MAP3K20: variants seen among roughly 807,000 people sequenced by gnomAD.
The protein encoded by MAP3K20 is HCCS-4.
MAP3K20 carries 40 observed loss-of-function variants against 85.7 expected under a neutral mutation model. The observed-to-expected ratio is 0.47, with a 90% CI of 0.36 to 0.61. The LOEUF (loss-of-function observed/expected upper bound fraction) is 0.61. Ranked by LOEUF, MAP3K20 falls within the 20% of genes least tolerant of loss-of-function variation. The pLI, the probability that MAP3K20 is intolerant of heterozygous loss-of-function variation, is 0.00. For synonymous variants in MAP3K20, 325 were observed against 327.7 expected, an observed-to-expected ratio of 0.99 and a Z score of 0.09; for missense variants, 817 against 961.7, an observed-to-expected ratio of 0.85 and a Z score of 1.99.
At chr2:173,236,183 G>A (rs776859536) in intron 14 of MAP3K20, among the ~76,000 whole-genome samples, 6 of 149,526 alleles carry the variant, frequency 4.0e-5, no homozygotes, top group South Asian at 4.2e-4. Flanking sequence ...TGGGAGGATC[G>A]CTTGAGCCCA....
At chr2:173,086,725 C>T (rs1687155484) in intron 1 of MAP3K20, among the ~76,000 whole-genome samples, 1 of 152,206 alleles carries the variant, frequency 6.6e-6, no homozygotes, top group Admixed American at 6.5e-5. Flanking sequence ...AGGTCAGTGT[C>T]AGTTGTGACT....
intron 2 of MAP3K20, among the ~76,000 whole-genome samples, chr2:173,122,953 TAC>T (rs917789866): frequency 2.2e-4 from 34 of 152,338 alleles, no homozygotes; most frequent in African/African-American, 7.7e-4. Context: ...GGAAAATAAC[TAC>T]AGAGTTTTTC....
At chr2:173,228,810 ACT>A (rs927892867) in intron 11 of MAP3K20, among the ~76,000 whole-genome samples, 4 of 31,546 alleles carry the variant, frequency 1.3e-4, no homozygotes, top group Admixed American at 9.9e-4. Context: ...AAGCAACCAA[ACT>A]CAACTTTTTT....
At chr2:173,187,839 G>T (rs1690534616) in intron 5 of MAP3K20, among the ~76,000 whole-genome samples, 1 of 152,184 alleles carries the variant, frequency 6.6e-6, no homozygotes, top group Non-Finnish European at 1.5e-5. Context: ...AGCCCAGAAT[G>T]TGGACATTTG....
At chr2:173,220,311 C>T (rs1445067698) in intron 11 of MAP3K20, among the ~76,000 whole-genome samples, 3 of 152,102 alleles carry the variant, frequency 2.0e-5, no homozygotes, top group African/African-American at 7.2e-5. Context: ...AAAATAATTA[C>T]GTAAAGTAGA....
chr2:173,169,237 C>T (rs1237654207), intron 2 of MAP3K20, among the ~76,000 whole-genome samples: 4 of 152,100 alleles, frequency 2.6e-5, no homozygotes, highest in African/African-American at 9.7e-5. Context: ...TGGGGTATCT[C>T]TTCAGTCATT....
intron 10 of MAP3K20, chr2:173,212,288 A>C (rs1683926683): frequency 6.6e-6 from 1 of 152,038 alleles, no homozygotes; most frequent in South Asian, 2.1e-4. Flanking sequence ...CTCCAGCCCG[A>C]GTGTCCAATG....
Position 173,134,744 on chromosome 2 carries a change from G to T in MAP3K20, c.160-35061G>T, listed in dbSNP as rs572126131. 5.2e-4 allele frequency among the ~76,000 whole-genome samples: 79 copies of T among 151,892 alleles called. 2 individuals carry two copies. Among genetic ancestry groups the T allele is most frequent in the African/African-American group, 1.8e-3 (73 of 41,406 alleles). On this transcript the variant is annotated intron_variant, in intron 2 of 19. Coordinates refer to ENST00000375213, the MANE Select transcript of MAP3K20 (RefSeq NM_016653.3). ...CTCTTTTTACTTTTATTTTATTTAG[G>T]CTACAGAGCCCTTTCCATCCTTATT...
chr2:173,115,987 C>G (rs1198255627), intron 2 of MAP3K20, among the ~76,000 whole-genome samples: 1 of 150,002 alleles, frequency 6.7e-6, no homozygotes, highest in Non-Finnish European at 1.5e-5. Flanking sequence ...CATGTCTTAC[C>G]AGGGCAGAGC....
chr2:173,122,152 C>G (rs1688313848), intron 2 of MAP3K20, among the ~76,000 whole-genome samples: 1 of 152,220 alleles, frequency 6.6e-6, no homozygotes. Flanking sequence ...AATGTAAACT[C>G]TTATTTCTGG....
intron 2 of MAP3K20, among the ~76,000 whole-genome samples, chr2:173,100,278 C>T (rs906799330): frequency 6.6e-6 from 1 of 152,172 alleles, no homozygotes; most frequent in African/African-American, 2.4e-5. Flanking sequence ...GGCTTTACAC[C>T]ATTGCCCTCT....
chr2:173,233,092 A>G (rs1343201827), intron 14 of MAP3K20, among the ~76,000 whole-genome samples: 1 of 152,218 alleles, frequency 6.6e-6, no homozygotes, highest in Non-Finnish European at 1.5e-5. Context: ...GATAATGGTA[A>G]ATGACGGCTG....
At position 173,266,124 on chromosome 2, in the gene MAP3K20, A is replaced by G; in HGVS notation, c.1777A>G (p.Ser593Gly). The change falls in exon 20 of 20, where the codon AGC (serine) becomes GGC (glycine). Residue 593 changes from serine (S) to glycine (G), a missense_variant. Physicochemically the swap from Ser to Gly is moderately conservative, Grantham distance 56. Transcript: ENST00000375213. Reference protein sequence around the residue: ...ASNTSLQRSQSNPILGSPFFS... With the variant: ...ASNTSLQRSQGNPILGSPFFS... ...CAACACTTCTTTACAGCGTTCCCAG[A>G]GCAATCCTATTCTGGGGTCACCGTT... 1.2e-6 allele frequency: 2 copies of G among 1,612,820 alleles called. No homozygotes were observed. Among genetic ancestry groups the G allele is most frequent in the Non-Finnish European group, 1.7e-6 (2 of 1,179,494 alleles).
chr2:173,150,432 C>T (rs1559253449), intron 2 of MAP3K20, among the ~76,000 whole-genome samples: 1 of 152,162 alleles, frequency 6.6e-6, no homozygotes, highest in African/African-American at 2.4e-5. Flanking sequence ...GGTCAGTGTC[C>T]TACACAGGGT....
At chr2:173,126,844 C>G (rs1415650478) in intron 2 of MAP3K20, among the ~76,000 whole-genome samples, 1 of 152,212 alleles carries the variant, frequency 6.6e-6, no homozygotes. Flanking sequence ...GCAGCATCCA[C>G]ACGTTTAACT....
intron 2 of MAP3K20, among the ~76,000 whole-genome samples, chr2:173,142,222 C>G (rs1451083338): frequency 3.9e-5 from 6 of 152,174 alleles, no homozygotes; most frequent in Non-Finnish European, 8.8e-5. Context: ...GCCTATATCC[C>G]AGCACTTTGG....
intron 16 of MAP3K20, among the ~76,000 whole-genome samples, chr2:173,240,154 G>A (rs934578331): frequency 5.9e-5 from 9 of 152,190 alleles, no homozygotes; most frequent in African/African-American, 2.2e-4. Flanking sequence ...TGCAAATGAG[G>A]AAACTGAGGC....
At chr2:173,225,599 A>C (rs1293016633) in intron 11 of MAP3K20, 10 of 962,356 alleles carry the variant, frequency 1.0e-5, no homozygotes, top group Non-Finnish European at 1.2e-5. Context: ...ATCTCAAAAA[A>C]AAAAAAAAAC....
intron 14 of MAP3K20, 70 bp downstream of exon 14, chr2:173,232,529 A>G: frequency 6.3e-7 from 1 of 1,577,594 alleles, no homozygotes; most frequent in Non-Finnish European, 8.6e-7. Flanking sequence ...TTTGAGGCAG[A>G]GTCTTGCTCT....
Sources: allele counts gnomAD v4.1 joint callset (sites outside exome capture counted in the v4.1 genomes callset), GRCh38; gene constraint gnomAD v4.1.1; transcripts MANE v1.5; gene names NCBI Gene and HGNC (gene_info 2026-07-23, HGNC 2026-07-21).